Variants in SULF1 observed in about 807,000 individuals in gnomAD.
SULF1 encodes extracellular sulfatase Sulf-1.
Under a neutral mutation model 110.5 loss-of-function variants are expected in SULF1, and 46 were observed. The observed-to-expected ratio is 0.42, with a 90% CI of 0.33 to 0.53. The LOEUF (loss-of-function observed/expected upper bound fraction) is 0.53. Among genes scored for constraint, SULF1 ranks in the 20% least tolerant of loss-of-function variants. SULF1 has a pLI of 0.12. For missense variants in SULF1, 941 were observed against 1,094.2 expected (o/e 0.86, Z 1.98); for synonymous variants, 371 against 387.1 (o/e 0.96, Z 0.49).
chr8:69,592,910 A>G (rs893313051), intron 8 of SULF1: 2 of 987,386 alleles, frequency 2.0e-6, no homozygotes, highest in Non-Finnish European at 2.4e-6. Context: ...ACACCTGGCC[A>G]TTCCAATGGA....
chr8:69,571,788 C>A (rs1256461481), intron 5 of SULF1, among the ~76,000 whole-genome samples: 1 of 152,192 alleles, frequency 6.6e-6, no homozygotes. Context: ...ATGGCACAAT[C>A]ACAGTGGGAA....
intron 22 of SULF1, among the ~76,000 whole-genome samples, chr8:69,653,032 T>G (rs1812466760): frequency 6.6e-6 from 1 of 152,222 alleles, no homozygotes; most frequent in Non-Finnish European, 1.5e-5. Context: ...TCATCCAGGT[T>G]TTCAAATTTG....
At chr8:69,525,544 T>C (rs1420438782) in intron 3 of SULF1, among the ~76,000 whole-genome samples, 1 of 152,128 alleles carries the variant, frequency 6.6e-6, no homozygotes, top group Admixed American at 6.6e-5. Context: ...AGGAAAAGAA[T>C]ATTAAGTAGA....
chr8:69,505,249 A>G (rs1244906903), intron 3 of SULF1, among the ~76,000 whole-genome samples: 1 of 152,174 alleles, frequency 6.6e-6, no homozygotes, highest in African/African-American at 2.4e-5. Flanking sequence ...TTCTCATCAA[A>G]AATGTTTACA....
At chr8:69,503,978 T>C (rs1275098401) in intron 3 of SULF1, among the ~76,000 whole-genome samples, 4 of 152,000 alleles carry the variant, frequency 2.6e-5, no homozygotes, top group African/African-American at 9.7e-5. Flanking sequence ...TTTTGTATTT[T>C]TAGTAGAGAC....
At chr8:69,622,848 C>T (rs772285901) in intron 14 of SULF1, among the ~76,000 whole-genome samples, 1 of 151,952 alleles carries the variant, frequency 6.6e-6, no homozygotes, top group Admixed American at 6.6e-5. Flanking sequence ...GGATGGAACT[C>T]GTAAGCACTC....
Position 69,577,990 on chromosome 8 carries a change from G to A in SULF1, c.412+1781G>A, listed in dbSNP as rs570119689. Among the ~76,000 whole-genome samples the A allele has an allele frequency of 4.6e-5, 7 of 152,282 alleles. No homozygotes were observed. In the South Asian group the frequency reaches 1.4e-3, roughly 32 times the overall value. On this transcript the variant is annotated intron_variant, in intron 6 of 22. Coordinates refer to ENST00000402687, the MANE Select transcript of SULF1 (RefSeq NM_001128205.2). ...CCCTGGCAAACAGAAACAAAGAGTA[G>A]GACTAGCTAAAGTCAAGGCAAAGAT...
chr8:69,519,231 G>A (rs990416149), intron 3 of SULF1, among the ~76,000 whole-genome samples: 1 of 152,170 alleles, frequency 6.6e-6, no homozygotes, highest in Admixed American at 6.5e-5. Flanking sequence ...GCAAGGCAGT[G>A]AGACCCTTCA....
At chr8:69,494,721 T>A (rs1006325956) in intron 1 of SULF1, among the ~76,000 whole-genome samples, 1 of 151,972 alleles carries the variant, frequency 6.6e-6, no homozygotes, top group Admixed American at 6.6e-5. Flanking sequence ...CTTAGTTTGG[T>A]CAAACTGAAT....
chr8:69,534,448 G>A (rs1313567024), intron 3 of SULF1, among the ~76,000 whole-genome samples: 1 of 152,146 alleles, frequency 6.6e-6, no homozygotes, highest in Admixed American at 6.5e-5. Context: ...ATCTTATAGT[G>A]CATTTGAAGA....
At chr8:69,493,436 CACACACAACACT>C (rs1810072516) in intron 1 of SULF1, among the ~76,000 whole-genome samples, 1 of 147,624 alleles carries the variant, frequency 6.8e-6, no homozygotes, top group African/African-American at 2.6e-5. Context: ...CACACACACA[CACACACAACACT>C]ACACACACAC....
intron 3 of SULF1, among the ~76,000 whole-genome samples, chr8:69,535,426 C>G (rs1370883742): frequency 1.3e-5 from 2 of 152,156 alleles, no homozygotes; most frequent in African/African-American, 4.8e-5. Flanking sequence ...GCACTCCAGA[C>G]AGTGTGCTCT....
At chr8:69,627,670 A>C in intron 16 of SULF1, 102 bp from the exon 17 acceptor site, 1 of 777,180 alleles carries the variant, frequency 1.3e-6, no homozygotes. Flanking sequence ...TCTCAGATGA[A>C]TAGCTGTTAT....
intron 19 of SULF1, among the ~76,000 whole-genome samples, chr8:69,633,022 G>C (rs1316689648): frequency 2.1e-5 from 2 of 96,922 alleles, no homozygotes; most frequent in South Asian, 6.3e-4. Flanking sequence ...CATGTCAGAA[G>C]AAAAAAAAAA....
chr8:69,572,816 C>A (rs1805327149), intron 5 of SULF1, among the ~76,000 whole-genome samples: 1 of 152,074 alleles, frequency 6.6e-6, no homozygotes, highest in Non-Finnish European at 1.5e-5. Context: ...AACCTTCAAG[C>A]CAGATTCCCA....
intron 22 of SULF1, among the ~76,000 whole-genome samples, chr8:69,650,364 G>A (rs1812237282): frequency 6.6e-6 from 1 of 152,100 alleles, no homozygotes; most frequent in Admixed American, 6.5e-5. Flanking sequence ...AGATATGGAG[G>A]CTCACACCTG....
intron 3 of SULF1, among the ~76,000 whole-genome samples, chr8:69,510,822 G>A (rs1210612452): frequency 6.6e-6 from 1 of 151,902 alleles, no homozygotes; most frequent in Admixed American, 6.6e-5. Context: ...TTGCCATATT[G>A]GCCAGGCTGG....
chr8:69,492,044 T>C (rs1332101310), upstream of SULF1, among the ~76,000 whole-genome samples: 1 of 146,290 alleles, frequency 6.8e-6, no homozygotes, highest in African/African-American at 2.6e-5. Flanking sequence ...TGCTGGGGAG[T>C]AGGTGAGGCG....
intron 3 of SULF1, among the ~76,000 whole-genome samples, chr8:69,507,478 A>C (rs1161257214): frequency 1.3e-5 from 2 of 152,174 alleles, no homozygotes; most frequent in South Asian, 2.1e-4. Flanking sequence ...ATCTGCTTAG[A>C]TTTCACAAGA....
Sources: allele counts gnomAD v4.1 joint callset (sites outside exome capture counted in the v4.1 genomes callset), GRCh38; gene constraint gnomAD v4.1.1; transcripts MANE v1.5; gene names NCBI Gene and HGNC (gene_info 2026-07-23, HGNC 2026-07-21).